The following PLA2G4A variants were observed in gnomAD, a reference collection of about 807,000 sequenced individuals.
PLA2G4A encodes the protein cytosolic phospholipase A2.
PLA2G4A carries 40 observed loss-of-function variants against 81.9 expected under a neutral mutation model. That is an observed-to-expected ratio of 0.49 (90% CI 0.38 to 0.64). PLA2G4A has a LOEUF of 0.64. PLA2G4A is among the 30% of genes least tolerant of loss of function. The pLI, the probability that PLA2G4A is intolerant of heterozygous loss-of-function variation, is 0.00. For missense variants in PLA2G4A, 715 were observed against 905.1 expected, an observed-to-expected ratio of 0.79 and a Z score of 2.69; for synonymous variants, 302 against 296.9, an observed-to-expected ratio of 1.02 and a Z score of -0.18.
At chr1:186,952,146 T>A (rs1422305460) in intron 13 of PLA2G4A, among the ~76,000 whole-genome samples, 1 of 152,180 alleles carries the variant, frequency 6.6e-6, no homozygotes, top group Non-Finnish European at 1.5e-5. Context: ...GCCTAGCATC[T>A]TTAGAATTAT....
chr1:186,967,938 G>C (rs967562896), intron 15 of PLA2G4A, among the ~76,000 whole-genome samples: 1 of 152,032 alleles, frequency 6.6e-6, no homozygotes, highest in African/African-American at 2.4e-5. Flanking sequence ...AGAATGGAAG[G>C]CAAGGAATTA....
At chr1:186,854,229 A>C (rs1049002252) in intron 1 of PLA2G4A, 57 bp from the exon 2 acceptor site, 11 of 683,872 alleles carry the variant, frequency 1.6e-5, no homozygotes, top group Non-Finnish European at 2.4e-5. Context: ...ATAATTGTTT[A>C]AATCTTAGAA....
At chr1:186,977,405 C>T (rs1023766830) in intron 15 of PLA2G4A, among the ~76,000 whole-genome samples, 188 bp from the exon 16 acceptor site, 2 of 152,120 alleles carry the variant, frequency 1.3e-5, no homozygotes, top group African/African-American at 2.4e-5. Context: ...ATTAACATAA[C>T]AATAGTGAGT....
At chr1:186,857,352 A>T (rs1164550003) in intron 2 of PLA2G4A, among the ~76,000 whole-genome samples, 5 of 124,518 alleles carry the variant, frequency 4.0e-5, no homozygotes, top group Non-Finnish European at 8.0e-5. Flanking sequence ...ATATATTATA[A>T]ATATAATATT....
intron 17 of PLA2G4A, among the ~76,000 whole-genome samples, chr1:186,982,927 A>C (rs72482639): frequency 0.013 from 1,933 of 151,920 alleles, 48 homozygotes; most frequent in East Asian, 0.1. Context: ...AAATACAAAA[A>C]AGCAAAATTA....
At chr1:186,893,967 T>C (rs1300633457) in intron 4 of PLA2G4A, 131 bp from the exon 5 acceptor site, 1 of 638,234 alleles carries the variant, frequency 1.6e-6, no homozygotes, top group Non-Finnish European at 2.8e-6. Context: ...ACTAATTAAA[T>C]ATTGAGATCT....
chr1:186,932,255 C>A (rs1655773138), intron 7 of PLA2G4A, among the ~76,000 whole-genome samples: 1 of 148,900 alleles, frequency 6.7e-6, no homozygotes, highest in African/African-American at 2.5e-5. Context: ...ATAGACATTG[C>A]TTTTTTTATT....
Position 186,932,866 on chromosome 1 carries a change from C to T in PLA2G4A, c.662C>T (p.Ala221Val), listed in dbSNP as rs1655805547. The T allele has an allele frequency of 6.2e-7, 1 of 1,612,440 alleles. No homozygotes were observed. Among genetic ancestry groups the T allele is most frequent in the Non-Finnish European group, 8.5e-7 (1 of 1,178,628 alleles). ...ALYESGILDCATYVAGLSGST... is the reference protein window; with the variant it reads ...ALYESGILDCVTYVAGLSGST... ...TACGAATCAGGAATTCTGGATTGTG[C>T]TACCTACGTTGCTGGTCTTTCTGGC... The change falls in exon 8 of 18, where the codon GCT (alanine) becomes GTT (valine). Residue 221 changes from alanine (A) to valine (V), a missense_variant. By Grantham distance (64) the Ala-to-Val change is moderately conservative. Coordinates refer to ENST00000367466, the MANE Select transcript of PLA2G4A (RefSeq NM_024420.3).
chr1:186,958,849 T>A (rs1230078279), intron 14 of PLA2G4A, among the ~76,000 whole-genome samples: 1 of 152,178 alleles, frequency 6.6e-6, no homozygotes, highest in Non-Finnish European at 1.5e-5. Context: ...TTTGGTGGTG[T>A]TGGGGTTACC....
At chr1:186,920,930 C>G (rs146119505) in intron 7 of PLA2G4A, among the ~76,000 whole-genome samples, 1 of 152,200 alleles carries the variant, frequency 6.6e-6, no homozygotes, top group East Asian at 1.9e-4. Flanking sequence ...ATATCTTCCG[C>G]GCTTTGACTA....
intron 1 of PLA2G4A, among the ~76,000 whole-genome samples, chr1:186,832,785 T>C (rs1481351798): frequency 6.6e-6 from 1 of 152,186 alleles, no homozygotes; most frequent in Non-Finnish European, 1.5e-5. Flanking sequence ...ATAGCACTTT[T>C]GGGGTCCTCA....
chr1:186,839,112 T>A (rs191231190), intron 1 of PLA2G4A, among the ~76,000 whole-genome samples: 1 of 152,318 alleles, frequency 6.6e-6, no homozygotes, highest in East Asian at 1.9e-4. Flanking sequence ...CTCTCATAAA[T>A]CCTCTTCACA....
At chr1:186,848,059 C>T (rs1652248146) in intron 1 of PLA2G4A, among the ~76,000 whole-genome samples, 1 of 152,024 alleles carries the variant, frequency 6.6e-6, no homozygotes, top group Non-Finnish European at 1.5e-5. Flanking sequence ...ATGAAAGAAC[C>T]TCAGAAAACG....
Position 186,854,283 on chromosome 1 carries a change from T to C in PLA2G4A, c.-69-3T>C. The C allele has an allele frequency of 1.2e-6, 1 of 865,090 alleles. No individual in the cohort carries two copies. Among genetic ancestry groups the C allele is most frequent in the Non-Finnish European group, 2.0e-6 (1 of 502,204 alleles). 53.6% of individuals were successfully genotyped at this position (865,090 alleles called of 1,614,324 possible). A position where few individuals can be genotyped will look rare whatever the true frequency, so the allele number is the denominator to read the frequency against. Reference sequence around the variant, plus strand: ...TTAACAATAGTGATTGTTTATTTTGTAGGTTTTAAAGACGCTAGAGTGCCA... The same window carrying C: ...TTAACAATAGTGATTGTTTATTTTGCAGGTTTTAAAGACGCTAGAGTGCCA... On this transcript the variant is annotated splice_polypyrimidine_tract_variant and splice_region_variant and intron_variant, in intron 1 of 17. Transcript: ENST00000367466.
At chr1:186,873,286 T>C (rs1172529603) in intron 3 of PLA2G4A, among the ~76,000 whole-genome samples, 1 of 152,106 alleles carries the variant, frequency 6.6e-6, no homozygotes, top group Non-Finnish European at 1.5e-5. Flanking sequence ...GCTTGATCTA[T>C]ACAAATTACC....
Position 186,950,620 on chromosome 1 carries a change from C to A in PLA2G4A, c.1265-37C>A, listed in dbSNP as rs779716925. The A allele has an allele frequency of 3.6e-5, 40 of 1,122,926 alleles. No individual in the cohort carries two copies. The Admixed American group carries it at 6.1e-4, about 17-fold the overall frequency. 69.6% of individuals were successfully genotyped at this position (1,122,926 alleles called of 1,614,324 possible). ...TTAAAATTAATTGTTAATTTTGACA[C>A]CTGAAATGCTTCAATTTTTTTGTTT... On this transcript the variant is annotated intron_variant, in intron 12 of 17. Transcript: ENST00000367466.
chr1:186,939,921 C>A, intron 9 of PLA2G4A, 59 bp from the exon 10 acceptor site: 1 of 813,688 alleles, frequency 1.2e-6, no homozygotes, highest in Non-Finnish European at 2.2e-6. Context: ...TTTTGAATAG[C>A]ATTCTTTCTG....
chr1:186,883,277 C>T (rs1336276322), intron 3 of PLA2G4A, among the ~76,000 whole-genome samples: 2 of 152,036 alleles, frequency 1.3e-5, no homozygotes, highest in Non-Finnish European at 2.9e-5. Context: ...AAATATATTA[C>T]TTAAGAATAG....
Position 186,864,549 on chromosome 1 carries a change from AAGTGATGTTG to A in PLA2G4A, c.34-5883_34-5874del, listed in dbSNP as rs540038437. 1.3e-3 allele frequency among the ~76,000 whole-genome samples: 200 copies of A among 151,958 alleles called. 1 individual carries two copies. The highest frequency in any genetic ancestry group is 4.4e-3 in the African/African-American group (184 of 41,476). ...TTTTGATTTGCATTTCCCTGAGGAT[AAGTGATGTTG>A]AGCATTTTTTCATATACTTGTTGGC... On this transcript the variant is annotated intron_variant, in intron 2 of 17. Coordinates refer to ENST00000367466, the MANE Select transcript of PLA2G4A (RefSeq NM_024420.3).
Sources: allele counts gnomAD v4.1 joint callset (sites outside exome capture counted in the v4.1 genomes callset), GRCh38; gene constraint gnomAD v4.1.1; transcripts MANE v1.5; gene names NCBI Gene and HGNC (gene_info 2026-07-23, HGNC 2026-07-21).